The following CFAP54 variants were observed in gnomAD, a reference collection of about 807,000 sequenced individuals.
CFAP54 encodes cilia- and flagella-associated protein 54.
A neutral mutation model predicts 370.4 loss-of-function variants in CFAP54; 290 were observed. The observed-to-expected ratio is 0.78, with a 90% CI of 0.71 to 0.86. CFAP54 has a LOEUF of 0.86. Among genes scored for constraint, CFAP54 ranks in the 40% least tolerant of loss-of-function variants. The pLI is 0.00. For missense variants in CFAP54, 3,399 were observed against 3,528.7 expected (o/e 0.96, Z 0.93); for synonymous variants, 1,206 against 1,236.5 (o/e 0.98, Z 0.52).
At chr12:96,566,104 AT>A (rs1414054995) in intron 19 of CFAP54, among the ~76,000 whole-genome samples, 1 of 152,210 alleles carries the variant, frequency 6.6e-6, no homozygotes, top group African/African-American at 2.4e-5. Flanking sequence ...CTACCCAGCC[AT>A]GCAAAACTGT....
intron 19 of CFAP54, among the ~76,000 whole-genome samples, chr12:96,575,518 A>G (rs1404883172): frequency 2.6e-5 from 4 of 152,080 alleles, no homozygotes; most frequent in Non-Finnish European, 4.4e-5. Flanking sequence ...GCTTAAAATG[A>G]AAGAAAGAGG....
At chr12:96,740,150 C>A (rs1159147351) in intron 51 of CFAP54, 89 bp downstream of exon 51, 3 of 749,622 alleles carry the variant, frequency 4.0e-6, no homozygotes, top group Non-Finnish European at 6.6e-6. Context: ...TTAGATGAAG[C>A]AAAGGAGTAA....
intron 49 of CFAP54, 139 bp from the exon 50 acceptor site, chr12:96,720,266 T>C: frequency 1.4e-6 from 1 of 700,284 alleles, no homozygotes. Flanking sequence ...CTCTCTTCTC[T>C]GGTAATTAGA....
intron 50 of CFAP54, among the ~76,000 whole-genome samples, chr12:96,720,795 G>A (rs1957742129): frequency 6.6e-6 from 1 of 152,146 alleles, no homozygotes; most frequent in Admixed American, 6.5e-5. Context: ...GCTGAGGTGG[G>A]CAGATCACTT....
At chr12:96,541,022 A>ATTTGT in intron 14 of CFAP54, 35 bp downstream of exon 14, 2 of 1,354,170 alleles carry the variant, frequency 1.5e-6, no homozygotes, top group Non-Finnish European at 1.9e-6. Context: ...ATACATATAT[A>ATTTGT]AATACAAATA....
At chr12:96,844,703 G>A (rs1233069593) in intron 66 of CFAP54, among the ~76,000 whole-genome samples, 1 of 152,140 alleles carries the variant, frequency 6.6e-6, no homozygotes, top group Non-Finnish European at 1.5e-5. Context: ...GGCCTGAAGA[G>A]TTGCCCAAAG....
intron 66 of CFAP54, among the ~76,000 whole-genome samples, chr12:96,844,142 T>C (rs1051462584): frequency 6.6e-6 from 1 of 152,170 alleles, no homozygotes; most frequent in Non-Finnish European, 1.5e-5. Flanking sequence ...CGCTCCACAG[T>C]GGTCCACATC....
chr12:96,614,154 G>A (rs1956391020), intron 26 of CFAP54, among the ~76,000 whole-genome samples: 1 of 152,168 alleles, frequency 6.6e-6, no homozygotes, highest in African/African-American at 2.4e-5. Flanking sequence ...ACATCAAAAA[G>A]CTTATCCACC....
chr12:96,830,157 A>C (rs963054504), intron 66 of CFAP54, among the ~76,000 whole-genome samples: 1 of 152,118 alleles, frequency 6.6e-6, no homozygotes, highest in Non-Finnish European at 1.5e-5. Flanking sequence ...ACTTTTGGCT[A>C]TTGTAAGTAA....
rs1258694829 is a variant in CFAP54 at position 96,671,116 on chromosome 12, G to C, written c.5563+7184G>C. ...TCCTCCTGAGTAGCTGGGATTACAGGCACCTGCCACCACGCCTGGCTAATT... is the reference window on the plus strand; with the variant it reads ...TCCTCCTGAGTAGCTGGGATTACAGCCACCTGCCACCACGCCTGGCTAATT... On this transcript the variant is annotated intron_variant, in intron 39 of 67. Coordinates refer to ENST00000524981, the MANE Select transcript of CFAP54 (RefSeq NM_001306084.2). Among the ~76,000 whole-genome samples, 48 of 152,130 alleles carry C rather than the reference G, an allele frequency of 3.2e-4. 1 individual carries two copies. The highest frequency in any genetic ancestry group is 3.1e-3 in the Admixed American group (48 of 15,284).
In CFAP54 at chr12:96,494,820, G is replaced by A. The variant is rs748190244; in HGVS notation, c.317+4894G>A. Among the ~76,000 whole-genome samples the A allele has an allele frequency of 7.2e-5, 11 of 151,920 alleles. No homozygotes were observed. In the Middle Eastern group the frequency reaches 0.01, roughly 141 times the overall value. ...CGGCTCTCTGCAGCTTCCGCCTCCC[G>A]GATTCCAGTGATTCTCCTGCCTTAG... On this transcript the variant is annotated intron_variant, in intron 1 of 67. Coordinates refer to ENST00000524981, the MANE Select transcript of CFAP54 (RefSeq NM_001306084.2).
intron 32 of CFAP54, among the ~76,000 whole-genome samples, chr12:96,640,393 G>T (rs1418597721): frequency 6.6e-6 from 1 of 152,160 alleles, no homozygotes; most frequent in African/African-American, 2.4e-5. Context: ...TCTTCAAGGA[G>T]AACTACAAAC....
At chr12:96,825,475 T>A (rs1343109935) in intron 65 of CFAP54, among the ~76,000 whole-genome samples, 1 of 118,004 alleles carries the variant, frequency 8.5e-6, no homozygotes, top group Non-Finnish European at 1.6e-5. Context: ...ATATTATATA[T>A]ATTATATAAC....
chr12:96,492,994 CAAA>C (rs11362891), intron 1 of CFAP54, among the ~76,000 whole-genome samples: 4 of 113,550 alleles, frequency 3.5e-5, no homozygotes, highest in Non-Finnish European at 5.7e-5. Context: ...GACTCTGTCT[CAAA>C]AAAAAAAAAA....
intron 26 of CFAP54, among the ~76,000 whole-genome samples, chr12:96,600,792 T>A (rs1472077415): frequency 6.6e-6 from 1 of 152,214 alleles, no homozygotes; most frequent in Non-Finnish European, 1.5e-5. Flanking sequence ...ATGCTTGTGA[T>A]TTTTGCACAT....
intron 37 of CFAP54, 47 bp from the exon 38 acceptor site, chr12:96,658,164 C>T: frequency 2.6e-6 from 4 of 1,549,812 alleles, no homozygotes; most frequent in South Asian, 2.4e-5. Context: ...AAAAAAAAGT[C>T]TTTTAACTAA....
At chr12:96,613,368 C>T (rs1592883318) in intron 26 of CFAP54, among the ~76,000 whole-genome samples, 1 of 152,168 alleles carries the variant, frequency 6.6e-6, no homozygotes, top group East Asian at 1.9e-4. Context: ...ACATTTAAGG[C>T]AGTGTGTAGA....
At chr12:96,534,748 T>C (rs1894956) in intron 11 of CFAP54, among the ~76,000 whole-genome samples, 61,448 of 152,040 alleles carry the variant, frequency 0.4, 12,929 homozygotes, top group South Asian at 0.46. Flanking sequence ...AGGTTTTTAA[T>C]GTTTTGCCAT....
chr12:96,768,138 T>C (rs903264432), intron 60 of CFAP54, among the ~76,000 whole-genome samples: 5 of 152,048 alleles, frequency 3.3e-5, no homozygotes, highest in African/African-American at 4.8e-5. Context: ...CTGGGCAACA[T>C]GGTGAAACCC....
Sources: allele counts gnomAD v4.1 joint callset (sites outside exome capture counted in the v4.1 genomes callset), GRCh38; gene constraint gnomAD v4.1.1; transcripts MANE v1.5; gene names NCBI Gene and HGNC (gene_info 2026-07-23, HGNC 2026-07-21).